Variants in SUCLG2 observed in about 807,000 individuals in gnomAD.
The protein encoded by SUCLG2 is succinate--CoA ligase [GDP-forming] subunit beta, mitochondrial.
SUCLG2 carries 42 observed loss-of-function variants against 47.9 expected under a neutral mutation model. That is an observed-to-expected ratio of 0.88 (90% CI 0.69 to 1.14). The LOEUF (loss-of-function observed/expected upper bound fraction) is 1.14, where lower values mean the gene tolerates loss of function less well. SUCLG2 is among the 50% of genes most tolerant of loss of function. The pLI, the probability that SUCLG2 is intolerant of heterozygous loss-of-function variation, is 0.00. For synonymous variants in SUCLG2, 195 were observed against 197.3 expected, an observed-to-expected ratio of 0.99 and a Z score of 0.10; for missense variants, 571 against 525.9, an observed-to-expected ratio of 1.09 and a Z score of -0.84.
At chr3:67,518,746 C>T (rs1338571117) in intron 5 of SUCLG2, among the ~76,000 whole-genome samples, 1 of 152,106 alleles carries the variant, frequency 6.6e-6, no homozygotes, top group African/African-American at 2.4e-5. Flanking sequence ...ATGATTTAAA[C>T]ACTCTATTGA....
chr3:67,637,638 C>G (rs1034411919), intron 1 of SUCLG2, among the ~76,000 whole-genome samples: 5 of 152,134 alleles, frequency 3.3e-5, no homozygotes, highest in African/African-American at 1.2e-4. Flanking sequence ...CAAAGGCTGC[C>G]CTCCAACCTG....
chr3:67,629,490 A>G (rs1166321093), intron 1 of SUCLG2, among the ~76,000 whole-genome samples: 2 of 151,792 alleles, frequency 1.3e-5, no homozygotes, highest in African/African-American at 2.4e-5. Context: ...GCAATAGAAC[A>G]TGATATGGGG....
At chr3:67,521,112 T>C (rs931330857) in intron 4 of SUCLG2, among the ~76,000 whole-genome samples, 5 of 152,234 alleles carry the variant, frequency 3.3e-5, no homozygotes, top group African/African-American at 9.6e-5. Context: ...TCGATCACTA[T>C]ATTTTACTTC....
At chr3:67,438,915 C>T (rs1016100682) in intron 9 of SUCLG2, among the ~76,000 whole-genome samples, 3 of 152,142 alleles carry the variant, frequency 2.0e-5, no homozygotes, top group African/African-American at 4.8e-5. Context: ...GATACCAAAA[C>T]CTGGAAGAGA....
At chr3:67,408,006 G>A (rs951454506) in intron 9 of SUCLG2, among the ~76,000 whole-genome samples, 3 of 152,114 alleles carry the variant, frequency 2.0e-5, no homozygotes, top group Admixed American at 6.6e-5. Flanking sequence ...CTAAATTAGA[G>A]GGGAGTCTAA....
intron 10 of SUCLG2, among the ~76,000 whole-genome samples, chr3:67,398,585 A>G (rs1702606794): frequency 2.6e-5 from 4 of 152,116 alleles, no homozygotes; most frequent in East Asian, 2.0e-4. Flanking sequence ...ACTGTAAACT[A>G]GTTCAACCAT....
At chr3:67,536,353 T>C (rs953793319) in intron 2 of SUCLG2, among the ~76,000 whole-genome samples, 4 of 152,254 alleles carry the variant, frequency 2.6e-5, no homozygotes, top group Admixed American at 1.3e-4. Context: ...AATAGAAATC[T>C]TGTATTTTCC....
intron 9 of SUCLG2, chr3:67,409,182 T>TGGGGAGGGTTCATGAAGGTACA: frequency 1.2e-6 from 1 of 828,662 alleles, no homozygotes. Context: ...TAGATGGGGC[T>TGGGGAGGGTTCATGAAGGTACA]GGGGAGGGGT....
intron 2 of SUCLG2, among the ~76,000 whole-genome samples, chr3:67,591,507 T>C (rs527408507): frequency 6.6e-6 from 1 of 152,296 alleles, no homozygotes; most frequent in South Asian, 2.1e-4. Flanking sequence ...GGGGCCAGTC[T>C]TTCCCCTGCT....
intron 2 of SUCLG2, among the ~76,000 whole-genome samples, chr3:67,550,348 T>A (rs1706980398): frequency 6.6e-6 from 1 of 152,182 alleles, no homozygotes. Context: ...TTGTTTTTTC[T>A]TTTTTCCTTG....
intron 9 of SUCLG2, among the ~76,000 whole-genome samples, chr3:67,466,227 C>G (rs1056038737): frequency 3.3e-5 from 5 of 152,142 alleles, no homozygotes; most frequent in African/African-American, 1.2e-4. Flanking sequence ...GTGGCATATG[C>G]CTGTAATCCC....
chr3:67,591,720 A>G (rs1708171958), intron 2 of SUCLG2, among the ~76,000 whole-genome samples: 1 of 152,306 alleles, frequency 6.6e-6, no homozygotes, highest in South Asian at 2.1e-4. Context: ...GTATGTCTTC[A>G]TCAGCAGCAT....
intron 9 of SUCLG2, among the ~76,000 whole-genome samples, chr3:67,442,306 G>A (rs1026426384): frequency 7.9e-5 from 12 of 152,272 alleles, no homozygotes; most frequent in South Asian, 2.1e-4. Flanking sequence ...CACCGCGCCC[G>A]GCCAGGCTGT....
At chr3:67,525,529 T>C (rs1403824180) in intron 4 of SUCLG2, among the ~76,000 whole-genome samples, 1 of 152,132 alleles carries the variant, frequency 6.6e-6, no homozygotes, top group Non-Finnish European at 1.5e-5. Context: ...GGAGAAAAGA[T>C]AAGCCTTTTC....
At chr3:67,580,209 T>C (rs1233607763) in intron 2 of SUCLG2, among the ~76,000 whole-genome samples, 1 of 152,136 alleles carries the variant, frequency 6.6e-6, no homozygotes, top group East Asian at 1.9e-4. Flanking sequence ...CATATTCAGA[T>C]AAGCAACATA....
chr3:67,416,405 C>T (rs1023902953), intron 9 of SUCLG2, among the ~76,000 whole-genome samples: 1 of 152,154 alleles, frequency 6.6e-6, no homozygotes, highest in African/African-American at 2.4e-5. Flanking sequence ...TAAGAAGTGA[C>T]ATAGATTTAT....
intron 9 of SUCLG2, among the ~76,000 whole-genome samples, chr3:67,404,968 ATTTTT>A (rs35223699): frequency 1.5e-5 from 2 of 134,796 alleles, no homozygotes; most frequent in Non-Finnish European, 1.6e-5. Flanking sequence ...GGCAAAGAGA[ATTTTT>A]TTTTTTTTTT....
At position 67,469,637 on chromosome 3, in the gene SUCLG2, G is replaced by A. The variant is rs1447085342; in HGVS notation, c.1062+26161C>T. On this transcript the variant is annotated intron_variant, in intron 9 of 10. Transcript: ENST00000307227. Reference sequence around the variant, plus strand: ...CCAGGTACTCGGGAGGCTGAGGTGGGAAAATCACTTGAACCCAGGAGGCGG... The same window carrying A: ...CCAGGTACTCGGGAGGCTGAGGTGGAAAAATCACTTGAACCCAGGAGGCGG... Among the ~76,000 whole-genome samples the A allele has an allele frequency of 3.3e-5, 5 of 152,000 alleles. No homozygotes were observed. The East Asian group carries it at 9.6e-4, about 29-fold the overall frequency.
chr3:67,594,411 C>G (rs1231910214), intron 2 of SUCLG2, among the ~76,000 whole-genome samples: 1 of 152,172 alleles, frequency 6.6e-6, no homozygotes, highest in Non-Finnish European at 1.5e-5. Flanking sequence ...ATTGATAAAG[C>G]TGTTTCTAGT....
Sources: allele counts gnomAD v4.1 joint callset (sites outside exome capture counted in the v4.1 genomes callset), GRCh38; gene constraint gnomAD v4.1.1; transcripts MANE v1.5; gene names NCBI Gene and HGNC (gene_info 2026-07-23, HGNC 2026-07-21).